The following TENT2 variants were observed in gnomAD, a reference collection of about 807,000 sequenced individuals.
The protein encoded by TENT2 is poly(A) RNA polymerase GLD2.
Under a neutral mutation model 72.2 loss-of-function variants are expected in TENT2, and 44 were observed. That is an observed-to-expected ratio of 0.61 (90% CI 0.48 to 0.78). The LOEUF (loss-of-function observed/expected upper bound fraction) is 0.78, where lower values mean the gene tolerates loss of function less well. TENT2 is among the 30% of genes least tolerant of loss of function. The probability of loss-of-function intolerance (pLI) is 0.00; values close to 1 mark genes in which losing one functional copy is unlikely to be tolerated. For missense variants in TENT2, 541 were observed against 569.6 expected (o/e 0.95, Z 0.51); for synonymous variants, 212 against 192.5 (o/e 1.10, Z -0.84).
chr5:79,660,096 T>A (rs1262826230), intron 11 of TENT2, among the ~76,000 whole-genome samples: 3 of 152,166 alleles, frequency 2.0e-5, no homozygotes, highest in Non-Finnish European at 4.4e-5. Flanking sequence ...TACTATGCTT[T>A]TTAGTCATTT....
intron 11 of TENT2, among the ~76,000 whole-genome samples, chr5:79,667,109 A>G (rs935182057): frequency 3.3e-5 from 5 of 152,180 alleles, no homozygotes; most frequent in African/African-American, 9.7e-5. Context: ...TCAGTTCTTA[A>G]TGTCATAATT....
At chr5:79,684,033 A>G (rs765282293) in intron 14 of TENT2, among the ~76,000 whole-genome samples, 24 of 152,108 alleles carry the variant, frequency 1.6e-4, no homozygotes, top group Non-Finnish European at 3.1e-4. Context: ...AAAATTAGCA[A>G]TGCTACATTG....
chr5:79,617,411 A>G (rs983441720), intron 1 of TENT2: 1 of 151,762 alleles, frequency 6.6e-6, no homozygotes, highest in Non-Finnish European at 1.5e-5. Flanking sequence ...TTTCTTTGGT[A>G]ATTTATTTTT....
intron 11 of TENT2, among the ~76,000 whole-genome samples, chr5:79,660,173 T>TATGAAAGGG (rs1021989362): frequency 1.3e-5 from 2 of 152,110 alleles, no homozygotes; most frequent in African/African-American, 4.8e-5. Flanking sequence ...TCAGTTGTGA[T>TATGAAAGGG]ATGAAAGGGA....
chr5:79,625,027 A>G (rs1027880245), intron 4 of TENT2, among the ~76,000 whole-genome samples: 1 of 152,222 alleles, frequency 6.6e-6, no homozygotes, highest in Non-Finnish European at 1.5e-5. Context: ...TATAGGTTGC[A>G]CTTTCTTTAC....
intron 12 of TENT2, among the ~76,000 whole-genome samples, chr5:79,678,822 C>T (rs553756885): frequency 2.4e-4 from 37 of 152,342 alleles, no homozygotes; most frequent in African/African-American, 8.7e-4. Context: ...TTACTTCTGT[C>T]TTAACAAATA....
chr5:79,632,270 A>C (rs1776186898), intron 4 of TENT2, among the ~76,000 whole-genome samples: 1 of 152,216 alleles, frequency 6.6e-6, no homozygotes, highest in South Asian at 2.1e-4. Flanking sequence ...CTTTGAGGAT[A>C]AACATAAAGA....
chr5:79,666,216 T>TG (rs1227610561), intron 11 of TENT2, among the ~76,000 whole-genome samples: 1 of 148,394 alleles, frequency 6.7e-6, no homozygotes, highest in Non-Finnish European at 1.5e-5. Flanking sequence ...CTCGAACTCC[T>TG]GACCTCGAGG....
chr5:79,613,496 A>G (rs1327916836), intron 1 of TENT2, among the ~76,000 whole-genome samples: 1 of 152,230 alleles, frequency 6.6e-6, no homozygotes, highest in East Asian at 1.9e-4. Context: ...ACTTTTGTAA[A>G]TATCTTCATA....
At chr5:79,662,862 T>C (rs1804163475) in intron 11 of TENT2, among the ~76,000 whole-genome samples, 1 of 152,192 alleles carries the variant, frequency 6.6e-6, no homozygotes, top group African/African-American at 2.4e-5. Flanking sequence ...AAGCCAGGTA[T>C]TGATGTCTCT....
At chr5:79,681,848 T>C (rs971771331) in intron 13 of TENT2, 134 bp from the exon 14 acceptor site, 5 of 618,720 alleles carry the variant, frequency 8.1e-6, no homozygotes. Flanking sequence ...AATAAAGATA[T>C]TAGGCTGACC....
At chr5:79,649,333 T>C (rs1791709841) in intron 10 of TENT2, 143 bp downstream of exon 10, 1 of 745,276 alleles carries the variant, frequency 1.3e-6, no homozygotes, top group South Asian at 2.9e-5. Flanking sequence ...GTTTTGTTGC[T>C]TTGGACAAAT....
At chr5:79,622,955 T>C (rs1282924558) in intron 3 of TENT2, among the ~76,000 whole-genome samples, 1 of 152,182 alleles carries the variant, frequency 6.6e-6, no homozygotes, top group Non-Finnish European at 1.5e-5. Context: ...GAACTTTTCC[T>C]ACAAAGTTTT....
intron 8 of TENT2, among the ~76,000 whole-genome samples, 190 bp downstream of exon 8, chr5:79,645,382 G>A (rs1369079361): frequency 1.3e-5 from 2 of 152,024 alleles, no homozygotes; most frequent in African/African-American, 4.8e-5. Context: ...ACTGTACTTA[G>A]CTATTCTGCT....
At position 79,619,664 on chromosome 5, in the gene TENT2, A is replaced by G. The variant is rs1763172142; in HGVS notation, c.16A>G (p.Ile6Val). The change falls in exon 2 of 15, where the codon ATT becomes GTT. Residue 6 changes from isoleucine (I) to valine (V), a missense_variant. Ile to Val is a conservative substitution (Grantham distance 29, BLOSUM62 3). Transcript: ENST00000453514. MFPNS[I>V]LGRPPFTPNH... ...GAACAAGAGCATGTTCCCAAACTCA[A>G]TTTTGGGTCGCCCACCCTTCACTCC... 1 of 1,613,682 alleles carries G rather than the reference A, an allele frequency of 6.2e-7. No individual in the cohort carries two copies. Among genetic ancestry groups the G allele is most frequent in the South Asian group, 1.1e-5 (1 of 91,002 alleles).
chr5:79,653,097 G>C (rs80004673), intron 10 of TENT2, among the ~76,000 whole-genome samples: 3,214 of 152,062 alleles, frequency 0.021, 113 homozygotes, highest in African/African-American at 0.074. Context: ...AATTCTTACT[G>C]GTTACCTTAG....
intron 14 of TENT2, 106 bp downstream of exon 14, chr5:79,682,167 C>A (rs1034716961): frequency 6.1e-6 from 4 of 656,406 alleles, no homozygotes; most frequent in African/African-American, 3.7e-5. Context: ...TTCTGTGAAT[C>A]CATTAATATA....
At chr5:79,660,749 G>T (rs1437742407) in intron 11 of TENT2, among the ~76,000 whole-genome samples, 2 of 152,106 alleles carry the variant, frequency 1.3e-5, no homozygotes, top group East Asian at 3.9e-4. Flanking sequence ...ATTTGTGAGT[G>T]TACTCTTTAT....
chr5:79,619,816 T>C (rs1305746077), intron 2 of TENT2, 31 bp downstream of exon 2: 2 of 1,591,014 alleles, frequency 1.3e-6, no homozygotes, highest in East Asian at 4.5e-5. Context: ...GCCCATGTTG[T>C]TGGTAAATTT....
Sources: allele counts gnomAD v4.1 joint callset (sites outside exome capture counted in the v4.1 genomes callset), GRCh38; gene constraint gnomAD v4.1.1; transcripts MANE v1.5; gene names NCBI Gene and HGNC (gene_info 2026-07-23, HGNC 2026-07-21).